Variants in DCC observed in about 807,000 individuals in gnomAD.
DCC encodes DCC netrin 1 receptor.
Under a neutral mutation model 172.5 loss-of-function variants are expected in DCC, and 58 were observed. The ratio of observed to expected loss-of-function variants is 0.34; its 90% CI spans 0.27 to 0.42. The LOEUF (loss-of-function observed/expected upper bound fraction) is 0.42. Among genes scored for constraint, DCC ranks in the 10% least tolerant of loss-of-function variants. DCC has a pLI of 1.00. For synonymous variants in DCC, 709 were observed against 644.5 expected (o/e 1.10, Z -1.52); for missense variants, 1,740 against 1,791.0 (o/e 0.97, Z 0.51).
intron 2 of DCC, among the ~76,000 whole-genome samples, chr18:52,905,715 T>A (rs1265473249): frequency 1.3e-5 from 2 of 152,184 alleles, no homozygotes; most frequent in Non-Finnish European, 2.9e-5. Flanking sequence ...TGAACTCCAA[T>A]GTGGGATTTC....
intron 8 of DCC, among the ~76,000 whole-genome samples, chr18:53,161,701 T>C (rs1352059282): frequency 2.0e-5 from 3 of 152,066 alleles, no homozygotes; most frequent in African/African-American, 7.2e-5. Flanking sequence ...ATTCCAGAGT[T>C]CCCCCCACTT....
chr18:53,307,887 GTGTGTGTA>G (rs1290972620), intron 13 of DCC, among the ~76,000 whole-genome samples: 822 of 34,584 alleles, frequency 0.024, 20 homozygotes, highest in African/African-American at 0.055. Context: ...GGAAAGCAAT[GTGTGTGTA>G]TGTATATATA....
At chr18:52,510,164 T>C (rs2031382952) in intron 1 of DCC, among the ~76,000 whole-genome samples, 1 of 151,886 alleles carries the variant, frequency 6.6e-6, no homozygotes, top group African/African-American at 2.4e-5. Flanking sequence ...GGCTTCTGAC[T>C]TAGGGCCACT....
At chr18:53,459,008 C>G (rs1037391304) in intron 23 of DCC, among the ~76,000 whole-genome samples, 2 of 152,038 alleles carry the variant, frequency 1.3e-5, no homozygotes, top group African/African-American at 4.8e-5. Flanking sequence ...GCCAGGAAGC[C>G]GAGGCCCTGG....
chr18:52,666,355 A>G (rs1413177970), intron 1 of DCC, among the ~76,000 whole-genome samples: 1 of 152,180 alleles, frequency 6.6e-6, no homozygotes, highest in Non-Finnish European at 1.5e-5. Flanking sequence ...TTTCTTTTCC[A>G]ATATGTGAAT....
At chr18:53,146,390 C>T (rs1361031998) in intron 7 of DCC, among the ~76,000 whole-genome samples, 1 of 152,186 alleles carries the variant, frequency 6.6e-6, no homozygotes, top group Non-Finnish European at 1.5e-5. Flanking sequence ...TGGCTGCATC[C>T]TCTATGGAGC....
At chr18:52,825,797 A>G (rs1406442806) in intron 2 of DCC, among the ~76,000 whole-genome samples, 1 of 152,206 alleles carries the variant, frequency 6.6e-6, no homozygotes, top group African/African-American at 2.4e-5. Context: ...AAATTTCCAT[A>G]TATGTCTCAG....
intron 2 of DCC, among the ~76,000 whole-genome samples, chr18:52,762,769 T>C (rs2037184879): frequency 6.6e-6 from 1 of 151,988 alleles, no homozygotes; most frequent in East Asian, 1.9e-4. Context: ...GCTGCAATGA[T>C]CTATGATTGC....
chr18:53,135,065 T>C (rs1229713149), intron 7 of DCC, among the ~76,000 whole-genome samples: 1 of 152,124 alleles, frequency 6.6e-6, no homozygotes, highest in Non-Finnish European at 1.5e-5. Flanking sequence ...TATTCATTTG[T>C]TTTAGTGTGT....
chr18:52,993,603 A>G (rs2041429958), intron 5 of DCC, among the ~76,000 whole-genome samples: 1 of 152,124 alleles, frequency 6.6e-6, no homozygotes, highest in Admixed American at 6.6e-5. Context: ...TAGAGTTATG[A>G]TCTTGCATGG....
intron 22 of DCC, among the ~76,000 whole-genome samples, chr18:53,441,588 G>C (rs1912279582): frequency 6.6e-6 from 1 of 152,096 alleles, no homozygotes; most frequent in Admixed American, 6.5e-5. Context: ...GCTTGAACCT[G>C]AGTCTCTCAT....
At chr18:52,730,051 C>T (rs2036613189) in intron 1 of DCC, among the ~76,000 whole-genome samples, 1 of 152,138 alleles carries the variant, frequency 6.6e-6, no homozygotes, top group Non-Finnish European at 1.5e-5. Flanking sequence ...TACTTAATAG[C>T]AAAACTTCTA....
At chr18:52,925,595 A>G (rs2040188897) in intron 5 of DCC, among the ~76,000 whole-genome samples, 2 of 152,000 alleles carry the variant, frequency 1.3e-5, no homozygotes, top group Admixed American at 6.6e-5. Context: ...CTTTAGTCTA[A>G]TTATTCCAGT....
chr18:52,512,196 A>T (rs2144649574), intron 1 of DCC, among the ~76,000 whole-genome samples: 1 of 152,294 alleles, frequency 6.6e-6, no homozygotes, highest in Non-Finnish European at 1.5e-5. Context: ...AGGGTTGTGC[A>T]ATTTTATTAT....
intron 1 of DCC, among the ~76,000 whole-genome samples, chr18:52,348,379 C>A (rs962955391): frequency 6.6e-6 from 1 of 152,216 alleles, no homozygotes; most frequent in East Asian, 1.9e-4. Flanking sequence ...TCTTTTCATC[C>A]GGGAGGCAAA....
At chr18:52,816,842 A>G (rs1051039877) in intron 2 of DCC, 2 of 152,222 alleles carry the variant, frequency 1.3e-5, no homozygotes, top group African/African-American at 4.8e-5. Flanking sequence ...ATCTTATTCA[A>G]AAATGAAAAG....
At chr18:53,495,366 G>C (rs889774962) in intron 26 of DCC, among the ~76,000 whole-genome samples, 5 of 145,504 alleles carry the variant, frequency 3.4e-5, no homozygotes, top group Non-Finnish European at 7.4e-5. Context: ...TTCCAGCCTG[G>C]GTAACAGAGC....
chr18:53,241,432 A>G lies in DCC; in HGVS notation c.1911+25835A>G, dbSNP rs116068884. On this transcript the variant is annotated intron_variant, in intron 12 of 28. Transcript: ENST00000442544. Reference sequence around the variant, plus strand: ...GCAGCACCTGTGGAGGGTCAAGTGGACCAACATAGACAAGGGGTTGTCTCC... The same window carrying G: ...GCAGCACCTGTGGAGGGTCAAGTGGGCCAACATAGACAAGGGGTTGTCTCC... 3.9e-3 allele frequency among the ~76,000 whole-genome samples: 593 copies of G among 152,204 alleles called. 5 individuals carry two copies. The highest frequency in any genetic ancestry group is 0.014 in the African/African-American group (579 of 41,536).
At chr18:52,518,253 C>A (rs76300519) in intron 1 of DCC, among the ~76,000 whole-genome samples, 9,917 of 152,154 alleles carry the variant, frequency 0.065, 696 homozygotes, top group East Asian at 0.38. Context: ...GTTGAATGAG[C>A]CCTCTAGGTC....
Sources: allele counts gnomAD v4.1 joint callset (sites outside exome capture counted in the v4.1 genomes callset), GRCh38; gene constraint gnomAD v4.1.1; transcripts MANE v1.5; gene names NCBI Gene and HGNC (gene_info 2026-07-23, HGNC 2026-07-21).